Variants in RNF216 observed in about 807,000 individuals in gnomAD.
The protein encoded by RNF216 is E3 ubiquitin-protein ligase RNF216.
Under a neutral mutation model 110.8 loss-of-function variants are expected in RNF216, and 72 were observed. The ratio of observed to expected loss-of-function variants is 0.65; its 90% CI spans 0.54 to 0.79. The LOEUF (loss-of-function observed/expected upper bound fraction) is 0.79. RNF216 is among the 30% of genes least tolerant of loss of function. RNF216 has a pLI of 0.00. For missense variants in RNF216, 1,342 were observed against 1,141.2 expected, an observed-to-expected ratio of 1.18 and a Z score of -2.54; for synonymous variants, 495 against 407.5, an observed-to-expected ratio of 1.21 and a Z score of -2.59.
chr7:5,743,808 G>T (rs1428584653), intron 3 of RNF216, among the ~76,000 whole-genome samples: 2 of 152,186 alleles, frequency 1.3e-5, no homozygotes, highest in Non-Finnish European at 2.9e-5. Flanking sequence ...TGCCACTGAA[G>T]TAAGGGCCAA....
At chr7:5,709,467 G>C (rs990309129) in intron 13 of RNF216, among the ~76,000 whole-genome samples, 5 of 152,182 alleles carry the variant, frequency 3.3e-5, no homozygotes, top group African/African-American at 1.2e-4. Context: ...GGGAAAAAGA[G>C]GGTCTGGAGC....
rs1786443820 is a variant in RNF216 at position 5,622,645 on chromosome 7, C to G, written c.*215G>C. ...GGGAGGGGCAGTTCACATCGCAGCT[C>G]TCTCCGAACTCCACCATTTGGGACG... On this transcript the variant is annotated 3_prime_UTR_variant, in exon 17 of 17. Transcript: ENST00000389902. 3.6e-6 allele frequency: 2 copies of G among 558,464 alleles called. No homozygotes were observed. Among genetic ancestry groups the G allele is most frequent in the South Asian group, 5.2e-5 (2 of 38,520 alleles). 34.6% of individuals were successfully genotyped at this position (558,464 alleles called of 1,614,324 possible). A position where few individuals can be genotyped will look rare whatever the true frequency, so the allele number is the denominator to read the frequency against.
In RNF216 at chr7:5,770,461, C is replaced by CA. The variant is rs879338590; in HGVS notation, c.-69-9324dup. ...GGGCAACGAGAGCAAAACTCCGTCT[C>CA]AAAAAAAAAAAAAAGATTACTGGGA... On this transcript the variant is annotated intron_variant, in intron 1 of 16. Transcript: ENST00000389902. Among the ~76,000 whole-genome samples the CA allele has an allele frequency of 3.1e-3, 311 of 100,932 alleles. 1 individual carries two copies. The highest frequency in any genetic ancestry group is 5.9e-3 in the Middle Eastern group (1 of 170). 66.2% of individuals were successfully genotyped at this position (100,932 alleles called of 152,430 possible).
intron 15 of RNF216, among the ~76,000 whole-genome samples, chr7:5,634,808 C>G (rs1584347529): frequency 6.6e-6 from 1 of 152,324 alleles, no homozygotes; most frequent in East Asian, 1.9e-4. Flanking sequence ...ACCAACAGGC[C>G]GTGTGTACTG....
chr7:5,671,032 T>C (rs554924316), intron 13 of RNF216, among the ~76,000 whole-genome samples: 20 of 152,358 alleles, frequency 1.3e-4, no homozygotes, highest in African/African-American at 3.4e-4. Context: ...CTAATATCAT[T>C]TGTTATAGCA....
chr7:5,644,389 G>A (rs866934474), intron 14 of RNF216, among the ~76,000 whole-genome samples: 21 of 152,040 alleles, frequency 1.4e-4, no homozygotes, highest in Admixed American at 1.0e-3. Flanking sequence ...GGTGTGAAGC[G>A]GTATCTTATT....
intron 13 of RNF216, among the ~76,000 whole-genome samples, chr7:5,654,660 C>T (rs1452387683): frequency 3.2e-5 from 4 of 126,032 alleles, no homozygotes; most frequent in South Asian, 2.6e-4. Context: ...GCACTTTAGC[C>T]TGGGAAATAC....
At chr7:5,731,112 T>C (rs1242736914) in intron 5 of RNF216, among the ~76,000 whole-genome samples, 1 of 152,218 alleles carries the variant, frequency 6.6e-6, no homozygotes, top group South Asian at 2.1e-4. Context: ...ACTGAAACTA[T>C]TATTGGTTAA....
chr7:5,641,018 T>C, intron 15 of RNF216, 136 bp downstream of exon 15: 1 of 678,330 alleles, frequency 1.5e-6, no homozygotes, highest in Non-Finnish European at 2.4e-6. Flanking sequence ...AAATTTTTTC[T>C]TTGGTTATCA....
chr7:5,627,518 C>T (rs952136191), intron 15 of RNF216, among the ~76,000 whole-genome samples: 1 of 152,182 alleles, frequency 6.6e-6, no homozygotes, highest in African/African-American at 2.4e-5. Flanking sequence ...GAGGCTGAGG[C>T]AGGCGGACCA....
In RNF216 at chr7:5,717,886, G is replaced by C. The variant is rs553488820; in HGVS notation, c.1645-1120C>G. Among the ~76,000 whole-genome samples, 16 of 152,192 alleles carry C rather than the reference G, an allele frequency of 1.1e-4. 1 individual carries two copies. The East Asian group carries it at 3.1e-3, about 30-fold the overall frequency. ...CAGCCTCGACCTCCCAGGCTCAAGA[G>C]ATCCTCCCACCTCAGCTTCCCGAGT... On this transcript the variant is annotated intron_variant, in intron 9 of 16. Transcript: ENST00000389902.
At chr7:5,730,474 G>A (rs1286053305) in intron 6 of RNF216, among the ~76,000 whole-genome samples, 3 of 152,172 alleles carry the variant, frequency 2.0e-5, no homozygotes, top group Non-Finnish European at 4.4e-5. Context: ...TTCTTTGTGG[G>A]AAAAGGAAGA....
intron 14 of RNF216, among the ~76,000 whole-genome samples, chr7:5,646,347 C>T (rs555864199): frequency 7.3e-5 from 11 of 150,476 alleles, no homozygotes; most frequent in South Asian, 2.1e-4. Context: ...GCACTCCAGA[C>T]GGGGTGACAA....
In RNF216 at chr7:5,752,848, C is replaced by A; in HGVS notation, c.199G>T (p.Glu67Ter). 6.2e-7 allele frequency: 1 copy of A among 1,610,440 alleles called. No homozygotes were observed. Among genetic ancestry groups the A allele is most frequent in the Non-Finnish European group, 8.5e-7 (1 of 1,178,794 alleles). Residue 67 changes from glutamate (E) to a stop codon, truncating the protein, a stop_gained and splice_region_variant, in exon 3 of 17, where the codon GAA (glutamate) becomes TAA (stop). Coordinates refer to ENST00000389902, the MANE Select transcript of RNF216 (RefSeq NM_207111.4). LOFTEE classifies it high-confidence loss of function. Reference sequence around the variant, plus strand: ...TTGTAAGTTTAAAGAAAACTCACTTCTGTCAGGATGACATCATCATCCAGG... The same window carrying A: ...TTGTAAGTTTAAAGAAAACTCACTTATGTCAGGATGACATCATCATCCAGG... ...EDLDDDVILT[E>*]TNKPQRSRPN... is the part of the protein sequence containing the mutation.
intron 15 of RNF216, among the ~76,000 whole-genome samples, chr7:5,628,693 T>A (rs1371558373): frequency 6.6e-6 from 1 of 151,834 alleles, no homozygotes; most frequent in Non-Finnish European, 1.5e-5. Context: ...GACTTTTTTT[T>A]TTTTTTTTGT....
intron 3 of RNF216, among the ~76,000 whole-genome samples, chr7:5,750,537 T>A (rs541897149): frequency 6.6e-6 from 1 of 152,354 alleles, no homozygotes; most frequent in South Asian, 2.1e-4. Flanking sequence ...TGAGTTTTTA[T>A]TATCTACCTG....
chr7:5,748,539 GTTTC>G (rs1795155563), intron 3 of RNF216, among the ~76,000 whole-genome samples: 1 of 151,334 alleles, frequency 6.6e-6, no homozygotes, highest in African/African-American at 2.4e-5. Flanking sequence ...ACCGTGTCCA[GTTTC>G]TTTATGATTT....
intron 15 of RNF216, among the ~76,000 whole-genome samples, chr7:5,631,746 AC>A (rs1246756653): frequency 1.3e-5 from 2 of 152,212 alleles, no homozygotes; most frequent in Non-Finnish European, 1.5e-5. Context: ...ACAAAACAAC[AC>A]AGCTAAAATC....
rs1791658607 is a variant in RNF216 at position 5,696,804 on chromosome 7, A to AG, written c.2061+14956_2061+14957insC. Among the ~76,000 whole-genome samples the AG allele has an allele frequency of 6.6e-6, 1 of 152,100 alleles. No homozygotes were observed. The highest frequency in any genetic ancestry group is 1.5e-5 in the Non-Finnish European group (1 of 68,014). On this transcript the variant is annotated intron_variant, in intron 13 of 16. Transcript: ENST00000389902. The surrounding 1 kb of genome is among the most constrained non-coding windows in gnomAD (Gnocchi z 5.4). ...CGGGCTCTGGGAGGGCTGTAGGAGG[A>AG]CGGCATGTCCCCAGGTTACTAGAAA...
Sources: gnomAD v4.1 joint callset for allele counts (sites outside exome capture counted in the v4.1 genomes callset) on GRCh38, gnomAD v4.1.1 for gene constraint, Gnocchi (gnomAD v3.1) non-coding constraint, MANE v1.5 for transcripts, NCBI Gene and HGNC (gene_info 2026-07-23, HGNC 2026-07-21) for gene names.